Variants in LY96 observed in about 807,000 individuals in gnomAD.
LY96 encodes the protein myeloid differentiation protein-2.
Under a neutral mutation model 18.9 loss-of-function variants are expected in LY96, and 18 were observed. That is an observed-to-expected ratio of 0.95 (90% CI 0.66 to 1.41). The LOEUF (loss-of-function observed/expected upper bound fraction) is 1.41. LY96 is among the 40% of genes most tolerant of loss of function. The pLI is 0.00. For synonymous variants in LY96, 66 were observed against 62.6 expected, an observed-to-expected ratio of 1.06 and a Z score of -0.26; for missense variants, 175 against 182.4, an observed-to-expected ratio of 0.96 and a Z score of 0.23.
At chr8:74,011,543 C>G (rs1816531843) in intron 3 of LY96, among the ~76,000 whole-genome samples, 1 of 152,104 alleles carries the variant, frequency 6.6e-6, no homozygotes, top group Non-Finnish European at 1.5e-5. Flanking sequence ...ACAGCAACAA[C>G]AAAAACAAAT....
At chr8:74,094,547 A>G in the LY96 span, among the ~76,000 whole-genome samples, 9 of 152,150 alleles carry the variant, frequency 5.9e-5, no homozygotes, top group Admixed American at 1.3e-4. Context: ...GTAACCTTCA[A>G]TCAAGGTTGA....
chr8:74,038,413 T>G, the LY96 span, among the ~76,000 whole-genome samples: 2 of 152,244 alleles, frequency 1.3e-5, no homozygotes, highest in African/African-American at 4.8e-5. Flanking sequence ...TGTTTTAATT[T>G]TAGCTCTTAT....
chr8:74,008,144 G>A (rs756135618), intron 2 of LY96, among the ~76,000 whole-genome samples: 8 of 152,178 alleles, frequency 5.3e-5, no homozygotes, highest in African/African-American at 7.2e-5. Context: ...TGTTGCCATC[G>A]TTCATGTTCT....
chr8:74,078,802 G>C, the LY96 span, among the ~76,000 whole-genome samples: 6 of 152,094 alleles, frequency 3.9e-5, no homozygotes, highest in Admixed American at 2.6e-4. Context: ...AATTAGAAAA[G>C]AAAAAAATTA....
At chr8:74,046,693 T>C in the LY96 span, among the ~76,000 whole-genome samples, 1 of 152,290 alleles carries the variant, frequency 6.6e-6, no homozygotes, top group African/African-American at 2.4e-5. Flanking sequence ...GAGAAGGCTA[T>C]ACTAAGAAAC....
the LY96 span, among the ~76,000 whole-genome samples, chr8:74,068,061 C>CA: frequency 8.6e-3 from 311 of 36,156 alleles, 6 homozygotes; most frequent in Middle Eastern, 0.022. Context: ...AACTCTGTCT[C>CA]AAAAAAAAAA....
the LY96 span, among the ~76,000 whole-genome samples, chr8:74,047,400 T>C: frequency 6.6e-6 from 1 of 152,186 alleles, no homozygotes; most frequent in Admixed American, 6.5e-5. Flanking sequence ...CCACAACTTA[T>C]GGGTAGACGT....
the LY96 span, among the ~76,000 whole-genome samples, chr8:74,077,985 G>A: frequency 2.0e-5 from 3 of 152,030 alleles, no homozygotes; most frequent in Non-Finnish European, 4.4e-5. Flanking sequence ...GCACATGCCT[G>A]TAGCCTCAGC....
chr8:74,031,413 G>T (rs1276338132), downstream of LY96, among the ~76,000 whole-genome samples: 3 of 152,106 alleles, frequency 2.0e-5, no homozygotes, highest in African/African-American at 4.8e-5. Context: ...GCATCACAAG[G>T]TTAGGAGTTC....
the LY96 span, among the ~76,000 whole-genome samples, chr8:74,042,282 T>TG: frequency 1.3e-5 from 2 of 152,110 alleles, no homozygotes; most frequent in East Asian, 3.9e-4. Context: ...GCACTTTGGG[T>TG]GGCTGACGCA....
chr8:74,052,648 C>G, the LY96 span: 21 of 152,258 alleles, frequency 1.4e-4, 1 homozygote, highest in Admixed American at 6.6e-4. Flanking sequence ...TGTTGGTAAG[C>G]TGGTGGCAGG....
chr8:74,095,441 C>T, the LY96 span, among the ~76,000 whole-genome samples: 1 of 152,174 alleles, frequency 6.6e-6, no homozygotes, highest in African/African-American at 2.4e-5. Flanking sequence ...CACGGTGCCC[C>T]TTTCCCATTT....
chr8:74,054,612 TTTTCCTTCTTTCTTTCTTTCTTTC>T, the LY96 span, among the ~76,000 whole-genome samples: 11 of 69,722 alleles, frequency 1.6e-4, no homozygotes, highest in African/African-American at 6.3e-4. Context: ...TCTTGTTTCC[TTTTCCTTCTTTCTTTCTTTCTTTC>T]TTTCTTTCTT....
intron 3 of LY96, among the ~76,000 whole-genome samples, chr8:74,013,123 A>AT (rs941392077): frequency 1.3e-5 from 2 of 150,668 alleles, no homozygotes; most frequent in Non-Finnish European, 3.0e-5. Context: ...TGTCCAGCTA[A>AT]TTTTTTTTTC....
At chr8:74,076,402 C>T in the LY96 span, among the ~76,000 whole-genome samples, 22 of 151,734 alleles carry the variant, frequency 1.4e-4, no homozygotes, top group African/African-American at 4.6e-4. Flanking sequence ...TGGCTCACTG[C>T]GACCTCCGCC....
At chr8:74,051,535 A>G in the LY96 span, among the ~76,000 whole-genome samples, 1 of 152,138 alleles carries the variant, frequency 6.6e-6, no homozygotes, top group South Asian at 2.1e-4. Flanking sequence ...CATGGACTGA[A>G]TGTACCCCCA....
At chr8:74,052,890 G>T in the LY96 span, among the ~76,000 whole-genome samples, 2 of 152,190 alleles carry the variant, frequency 1.3e-5, no homozygotes, top group Non-Finnish European at 2.9e-5. Context: ...TTACCATGTG[G>T]GAATATTGAA....
At chr8:74,097,721 TAAATAAGTA>T in the LY96 span, among the ~76,000 whole-genome samples, 1 of 127,248 alleles carries the variant, frequency 7.9e-6, no homozygotes, top group Admixed American at 7.6e-5. Context: ...AATAAATAAA[TAAATAAGTA>T]AATAAATAAG....
the LY96 span, among the ~76,000 whole-genome samples, chr8:74,083,809 A>G: frequency 2.0e-5 from 3 of 152,048 alleles, no homozygotes; most frequent in Non-Finnish European, 4.4e-5. Context: ...CTCCTGCCTT[A>G]GCCTCCTGAG....
Sources: allele counts gnomAD v4.1 joint callset (sites outside exome capture counted in the v4.1 genomes callset), GRCh38; gene constraint gnomAD v4.1.1; transcripts MANE v1.5; gene names NCBI Gene and HGNC (gene_info 2026-07-23, HGNC 2026-07-21).